Variants in PDE1C observed in about 807,000 individuals in gnomAD.
The protein encoded by PDE1C is phosphodiesterase 1C.
Under a neutral mutation model 93.1 loss-of-function variants are expected in PDE1C, and 62 were observed. The observed-to-expected ratio is 0.67, with a 90% CI of 0.54 to 0.82. The LOEUF (loss-of-function observed/expected upper bound fraction) is 0.82, where lower values mean the gene tolerates loss of function less well. PDE1C is among the 40% of genes least tolerant of loss of function. The pLI is 0.00. For synonymous variants in PDE1C, 325 were observed against 310.1 expected (o/e 1.05, Z -0.50); for missense variants, 742 against 884.6 (o/e 0.84, Z 2.04).
At chr7:31,971,416 AG>A (rs1198753567) in intron 2 of PDE1C, among the ~76,000 whole-genome samples, 1 of 152,172 alleles carries the variant, frequency 6.6e-6, no homozygotes, top group African/African-American at 2.4e-5. Flanking sequence ...TGAGTTATTT[AG>A]TCATGCTGCA....
intron 16 of PDE1C, among the ~76,000 whole-genome samples, chr7:31,797,570 G>A (rs1164550082): frequency 6.6e-6 from 1 of 151,742 alleles, no homozygotes; most frequent in Non-Finnish European, 1.5e-5. Flanking sequence ...GAGATTCAAA[G>A]TTATTGCTAT....
intron 2 of PDE1C, among the ~76,000 whole-genome samples, chr7:32,051,181 A>T (rs1310911934): frequency 6.6e-6 from 1 of 152,226 alleles, no homozygotes; most frequent in East Asian, 1.9e-4. Context: ...ATTCTGAGAC[A>T]AAGGAGAATT....
chr7:31,895,177 AG>A (rs1223718185), intron 2 of PDE1C, among the ~76,000 whole-genome samples: 1 of 152,156 alleles, frequency 6.6e-6, no homozygotes, highest in Non-Finnish European at 1.5e-5. Context: ...AGGGACAGGA[AG>A]CAGCTGATAG....
At chr7:32,107,602 C>A (rs1042537351) in intron 3 of PDE1C, among the ~76,000 whole-genome samples, 2 of 152,002 alleles carry the variant, frequency 1.3e-5, no homozygotes, top group Non-Finnish European at 2.9e-5. Flanking sequence ...CTCAGATGAA[C>A]AAAAACCGAG....
At chr7:31,875,378 T>C (rs1490428822) in intron 5 of PDE1C, among the ~76,000 whole-genome samples, 1 of 152,136 alleles carries the variant, frequency 6.6e-6, no homozygotes, top group Non-Finnish European at 1.5e-5. Flanking sequence ...CTTTGGTCCC[T>C]CATGTTAGGG....
At chr7:32,077,715 C>T (rs979016046) in intron 3 of PDE1C, among the ~76,000 whole-genome samples, 2 of 152,032 alleles carry the variant, frequency 1.3e-5, no homozygotes, top group Admixed American at 1.3e-4. Context: ...GGATTACAGG[C>T]ACCCACCACC....
the PDE1C span, chr7:31,695,468 G>T: frequency 6.3e-7 from 1 of 1,592,802 alleles, no homozygotes. Flanking sequence ...GTCAAAATTA[G>T]ATGATCTTTC....
At chr7:31,890,454 A>C (rs913616022) in intron 2 of PDE1C, among the ~76,000 whole-genome samples, 2 of 152,212 alleles carry the variant, frequency 1.3e-5, no homozygotes, top group African/African-American at 4.8e-5. Context: ...GTTGCAACCC[A>C]TGCCTAGACA....
intron 2 of PDE1C, among the ~76,000 whole-genome samples, chr7:32,004,105 A>C (rs1056170795): frequency 9.9e-5 from 15 of 152,120 alleles, no homozygotes; most frequent in African/African-American, 3.6e-4. Context: ...ACAGGTAATG[A>C]GGACTCGAAC....
chr7:32,055,870 C>A (rs1794011617), intron 1 of PDE1C, among the ~76,000 whole-genome samples: 1 of 152,124 alleles, frequency 6.6e-6, no homozygotes, highest in Non-Finnish European at 1.5e-5. Flanking sequence ...CAGGTGCATG[C>A]CACCATGCCC....
intron 1 of PDE1C, among the ~76,000 whole-genome samples, chr7:32,309,784 A>G (rs1418475558): frequency 1.3e-5 from 2 of 152,220 alleles, no homozygotes. Context: ...GGTACCAACC[A>G]CTGAAAAAAC....
chr7:31,765,724 T>C (rs951521283), intron 17 of PDE1C, among the ~76,000 whole-genome samples: 1 of 152,182 alleles, frequency 6.6e-6, no homozygotes, highest in African/African-American at 2.4e-5. Flanking sequence ...AGAGAACACT[T>C]ACCAGAGTCT....
At chr7:31,642,650 C>T in the PDE1C span, 2 of 1,593,146 alleles carry the variant, frequency 1.3e-6, no homozygotes, top group African/African-American at 2.7e-5. Context: ...CACTTCCTGA[C>T]CTGTTTCCCT....
At chr7:32,195,250 C>T (rs1804532420) in intron 2 of PDE1C, among the ~76,000 whole-genome samples, 1 of 152,142 alleles carries the variant, frequency 6.6e-6, no homozygotes, top group Non-Finnish European at 1.5e-5. Context: ...CCCAAGGTTC[C>T]TTCTCTTATT....
At chr7:31,704,206 G>C in the PDE1C span, among the ~76,000 whole-genome samples, 2 of 152,208 alleles carry the variant, frequency 1.3e-5, no homozygotes, top group Non-Finnish European at 2.9e-5. Flanking sequence ...GATGTCCATT[G>C]AAAGTGACAC....
At chr7:32,085,937 C>G (rs80217344) in intron 3 of PDE1C, among the ~76,000 whole-genome samples, 90,058 of 145,762 alleles carry the variant, frequency 0.62, 28,265 homozygotes, top group African/African-American at 0.71. Context: ...CCTTTGAAAA[C>G]TGACACAAGA....
At chr7:32,127,014 C>G (rs375269644) in intron 3 of PDE1C, among the ~76,000 whole-genome samples, 2 of 152,210 alleles carry the variant, frequency 1.3e-5, no homozygotes, top group East Asian at 3.9e-4. Context: ...AAGCAGGTTG[C>G]CCTCCCCAGT....
intron 2 of PDE1C, chr7:32,209,452 T>C: frequency 2.6e-6 from 4 of 1,529,728 alleles, no homozygotes; most frequent in Non-Finnish European, 3.5e-6. Flanking sequence ...CATTTTCTGA[T>C]GGAGACCAGG....
intron 2 of PDE1C, among the ~76,000 whole-genome samples, chr7:31,965,243 C>T (rs1445118012): frequency 6.6e-6 from 1 of 152,068 alleles, no homozygotes; most frequent in East Asian, 1.9e-4. Flanking sequence ...CTAGAATAAC[C>T]AATGCAGAGA....
Sources: allele counts gnomAD v4.1 joint callset (sites outside exome capture counted in the v4.1 genomes callset), GRCh38; gene constraint gnomAD v4.1.1; transcripts MANE v1.5; gene names NCBI Gene and HGNC (gene_info 2026-07-23, HGNC 2026-07-21).